The following ACAD11 variants were observed in gnomAD, a reference collection of about 807,000 sequenced individuals.
The protein encoded by ACAD11 is acyl-CoA dehydrogenase family member 11, also known as acyl-Coenzyme A dehydrogenase family, member 11.
ACAD11 carries 83 observed loss-of-function variants against 102.2 expected under a neutral mutation model. The ratio of observed to expected loss-of-function variants is 0.81; its 90% CI spans 0.68 to 0.97. The LOEUF (loss-of-function observed/expected upper bound fraction) is 0.97. Ranked by LOEUF, ACAD11 falls within the 50% of genes least tolerant of loss-of-function variation. The probability of loss-of-function intolerance (pLI) is 0.00; values close to 1 mark genes in which losing one functional copy is unlikely to be tolerated. For synonymous variants in ACAD11, 324 were observed against 319.8 expected, an observed-to-expected ratio of 1.01 and a Z score of -0.14; for missense variants, 901 against 951.7, an observed-to-expected ratio of 0.95 and a Z score of 0.70.
At chr3:132,610,079 C>A (rs1377565042) in intron 11 of ACAD11, among the ~76,000 whole-genome samples, 1 of 151,986 alleles carries the variant, frequency 6.6e-6, no homozygotes, top group Non-Finnish European at 1.5e-5. Flanking sequence ...AATTAAACAC[C>A]CCTTCATGCA....
At chr3:132,583,844 A>C (rs534419029) in intron 13 of ACAD11, among the ~76,000 whole-genome samples, 1 of 152,292 alleles carries the variant, frequency 6.6e-6, no homozygotes, top group Non-Finnish European at 1.5e-5. Flanking sequence ...TTCAGTTTCC[A>C]TGTAGTTGAG....
chr3:132,602,686 T>G (rs906394630), intron 13 of ACAD11, among the ~76,000 whole-genome samples: 9 of 152,202 alleles, frequency 5.9e-5, no homozygotes, highest in African/African-American at 2.2e-4. Flanking sequence ...CTACAAAAAA[T>G]GACATGTTTT....
At chr3:132,620,449 A>G (rs1939564689) in intron 9 of ACAD11, 1 of 152,228 alleles carries the variant, frequency 6.6e-6, no homozygotes, top group African/African-American at 2.4e-5. Flanking sequence ...ACTTTCACAG[A>G]TAAAATTCCA....
intron 5 of ACAD11, among the ~76,000 whole-genome samples, chr3:132,636,420 T>A (rs1940276861): frequency 6.6e-6 from 1 of 152,200 alleles, no homozygotes; most frequent in Non-Finnish European, 1.5e-5. Context: ...TGAATTTTAT[T>A]AATATGTATG....
At chr3:132,570,743 T>C (rs1350641566) in intron 17 of ACAD11, among the ~76,000 whole-genome samples, 1 of 152,176 alleles carries the variant, frequency 6.6e-6, no homozygotes, top group Admixed American at 6.6e-5. Flanking sequence ...CTCCCACTTA[T>C]AAGTGACAAA....
rs764981701 is a variant in ACAD11 at position 132,561,286 on chromosome 3, A to T, written c.2002-69T>A. The T allele has an allele frequency of 5.3e-6, 6 of 1,141,536 alleles. No homozygotes were observed. In the Admixed American group the frequency reaches 6.8e-5, roughly 13 times the overall value. The allele number at this position is 1,141,536 out of a possible 1,614,324, so 70.7% of individuals were successfully genotyped here. A position where few individuals can be genotyped will look rare whatever the true frequency, so the allele number is the denominator to read the frequency against. On this transcript the variant is annotated intron_variant, in intron 17 of 19. Transcript: ENST00000264990. The stretch of plus-strand genomic sequence containing the variant: ...GGTATCTGATGTCCACGTGTAACAC[A>T]GTCTTATAGTTTGGTGAAAACACTC...
chr3:132,598,949 T>G (rs1313011480), intron 13 of ACAD11, among the ~76,000 whole-genome samples: 3 of 152,106 alleles, frequency 2.0e-5, no homozygotes, highest in Non-Finnish European at 4.4e-5. Context: ...TCAAATACTC[T>G]GGTGGAAGTA....
At chr3:132,642,945 A>G (rs1053727684) in intron 2 of ACAD11, 143 bp from the exon 3 acceptor site, 2 of 751,148 alleles carry the variant, frequency 2.7e-6, no homozygotes, top group Admixed American at 5.9e-5. Context: ...AATAGTAATA[A>G]CTTCCCTAAT....
At chr3:132,652,515 T>C (rs1940964232) in intron 1 of ACAD11, among the ~76,000 whole-genome samples, 1 of 152,196 alleles carries the variant, frequency 6.6e-6, no homozygotes, top group Non-Finnish European at 1.5e-5. Flanking sequence ...TGCCCTTTCC[T>C]CACTTCATGG....
intron 1 of ACAD11, chr3:132,646,636 T>A (rs2107893081): frequency 6.6e-6 from 1 of 152,336 alleles, no homozygotes. Context: ...CAAAAACTTG[T>A]ACATGAATGT....
intron 15 of ACAD11, 85 bp from the exon 16 acceptor site, chr3:132,577,100 T>A: frequency 1.2e-6 from 1 of 831,048 alleles, no homozygotes; most frequent in Non-Finnish European, 2.0e-6. Flanking sequence ...ATATAATTAC[T>A]TGAAGAAAAT....
At chr3:132,582,170 A>G (rs1302215496) in intron 13 of ACAD11, among the ~76,000 whole-genome samples, 1 of 151,990 alleles carries the variant, frequency 6.6e-6, no homozygotes, top group African/African-American at 2.4e-5. Context: ...ATGTAATAAG[A>G]TAAATACGTT....
intron 17 of ACAD11, 132 bp from the exon 18 acceptor site, chr3:132,561,349 A>T: frequency 1.4e-6 from 1 of 716,866 alleles, no homozygotes. Flanking sequence ...TACTCTATGT[A>T]TTTTTAAATG....
intron 13 of ACAD11, chr3:132,600,273 C>T: frequency 1.2e-6 from 1 of 863,464 alleles, no homozygotes. Flanking sequence ...TTCAGGCTCA[C>T]ATATGTTACA....
intron 13 of ACAD11, among the ~76,000 whole-genome samples, chr3:132,595,956 A>G (rs1310178356): frequency 6.6e-6 from 1 of 152,224 alleles, no homozygotes; most frequent in African/African-American, 2.4e-5. Context: ...AAATTATTCT[A>G]TTATAAAGAC....
chr3:132,621,167 C>T (rs1445955417), intron 9 of ACAD11: 1 of 152,076 alleles, frequency 6.6e-6, no homozygotes, highest in African/African-American at 2.4e-5. Context: ...GACAGCAATC[C>T]TCAAATTCGG....
chr3:132,626,042 CACA>C (rs1338086047), intron 9 of ACAD11, among the ~76,000 whole-genome samples: 1 of 152,170 alleles, frequency 6.6e-6, no homozygotes, highest in African/African-American at 2.4e-5. Flanking sequence ...ATCTTTTCTT[CACA>C]ACATTTATCA....
chr3:132,644,699 G>T, intron 2 of ACAD11, 98 bp downstream of exon 2: 1 of 490,850 alleles, frequency 2.0e-6, no homozygotes, highest in South Asian at 4.9e-5. Flanking sequence ...ATATTATTTG[G>T]CAATCATAAG....
chr3:132,655,199 C>T (rs557666129), intron 1 of ACAD11, among the ~76,000 whole-genome samples: 7 of 152,332 alleles, frequency 4.6e-5, no homozygotes, highest in African/African-American at 1.7e-4. Context: ...CCACTCTGGT[C>T]TATGCCACTG....
Sources: gnomAD v4.1 joint callset for allele counts (sites outside exome capture counted in the v4.1 genomes callset) on GRCh38, gnomAD v4.1.1 for gene constraint, MANE v1.5 for transcripts, NCBI Gene and HGNC (gene_info 2026-07-23, HGNC 2026-07-21) for gene names.